Variants in CCBE1 observed in about 807,000 individuals in gnomAD.
CCBE1 encodes the protein collagen and calcium-binding EGF domain-containing protein 1.
A neutral mutation model predicts 50.0 loss-of-function variants in CCBE1; 37 were observed. The ratio of observed to expected loss-of-function variants is 0.74; its 90% CI spans 0.57 to 0.97. CCBE1 has a LOEUF of 0.97. Ranked by LOEUF, CCBE1 falls within the 50% of genes least tolerant of loss-of-function variation. The pLI is 0.00. For missense variants in CCBE1, 538 were observed against 523.8 expected (o/e 1.03, Z -0.26); for synonymous variants, 234 against 203.7 (o/e 1.15, Z -1.27).
intron 2 of CCBE1, among the ~76,000 whole-genome samples, chr18:59,504,249 A>G (rs1283053201): frequency 3.9e-5 from 6 of 152,192 alleles, no homozygotes. Flanking sequence ...TCCCCAAGAA[A>G]ATAGATTTTT....
chr18:59,520,714 C>A (rs1022973546), intron 2 of CCBE1, among the ~76,000 whole-genome samples: 16 of 152,250 alleles, frequency 1.1e-4, no homozygotes, highest in Admixed American at 1.3e-4. Flanking sequence ...GACAGTATAT[C>A]ATCCATCTGA....
intron 2 of CCBE1, among the ~76,000 whole-genome samples, chr18:59,592,853 C>A (rs2144540033): frequency 6.6e-6 from 1 of 151,696 alleles, no homozygotes; most frequent in South Asian, 2.1e-4. Context: ...ATTGTAGGAA[C>A]CAATACAGGT....
chr18:59,440,896 C>G (rs534402835), intron 7 of CCBE1, among the ~76,000 whole-genome samples: 1 of 152,286 alleles, frequency 6.6e-6, no homozygotes, highest in Admixed American at 6.5e-5. Context: ...CTCTGTGGCA[C>G]AGGTGTGTGT....
At chr18:59,467,298 G>A (rs756684559) in intron 4 of CCBE1, among the ~76,000 whole-genome samples, 3 of 152,182 alleles carry the variant, frequency 2.0e-5, no homozygotes, top group Non-Finnish European at 4.4e-5. Context: ...GATTTTTTGT[G>A]AGTGCCCTAC....
At chr18:59,575,979 A>ATTGATTG (rs2052989392) in intron 2 of CCBE1, among the ~76,000 whole-genome samples, 2 of 152,206 alleles carry the variant, frequency 1.3e-5, no homozygotes, top group Non-Finnish European at 2.9e-5. Flanking sequence ...CCAGGCAAAC[A>ATTGATTG]TTGATTGCTT....
intron 2 of CCBE1, among the ~76,000 whole-genome samples, chr18:59,493,330 A>T (rs1190899359): frequency 1.3e-5 from 2 of 152,238 alleles, no homozygotes; most frequent in Non-Finnish European, 2.9e-5. Flanking sequence ...AAATTCATGT[A>T]ACACCGAAAG....
In CCBE1 at chr18:59,432,634, G is replaced by A. The variant is rs994972307; in HGVS notation, c.*3274C>T. 6.6e-6 allele frequency: 1 copy of A among 152,102 alleles called. No homozygotes were observed. The highest frequency in any genetic ancestry group is 2.4e-5 in the African/African-American group (1 of 41,410). 9.4% of individuals were successfully genotyped at this position (152,102 alleles called of 1,614,324 possible). ...GTAGTCCAAGTTTTGAAAATCTGAG[G>A]ATTAAAAATTATTTTCTAAATTAAC... On this transcript the variant is annotated 3_prime_UTR_variant, in exon 11 of 11. Coordinates refer to ENST00000439986, the MANE Select transcript of CCBE1 (RefSeq NM_133459.4).
At position 59,666,456 on chromosome 18, in the gene CCBE1, T is replaced by A. The variant is rs1002507035; in HGVS notation, c.212+30173A>T. On this transcript the variant is annotated intron_variant, in intron 2 of 10. Transcript: ENST00000439986. ...TGTGAAAACCAGGAGCAAATGACAT[T>A]CTACATAAGGATACAGGCTGGCAGC... Among the ~76,000 whole-genome samples the A allele has an allele frequency of 2.6e-5, 4 of 152,184 alleles. No homozygotes were observed. In the East Asian group the frequency reaches 5.8e-4, roughly 22 times the overall value.
chr18:59,462,198 C>A (rs1217237507), intron 5 of CCBE1, among the ~76,000 whole-genome samples: 2 of 152,102 alleles, frequency 1.3e-5, no homozygotes, highest in Non-Finnish European at 2.9e-5. Context: ...TCATCAGATG[C>A]CATGCAGTCT....
intron 2 of CCBE1, among the ~76,000 whole-genome samples, chr18:59,647,930 C>T (rs1246378469): frequency 6.6e-6 from 1 of 152,044 alleles, no homozygotes; most frequent in African/African-American, 2.4e-5. Context: ...GATTATTCCC[C>T]GAAACTACAA....
intron 2 of CCBE1, among the ~76,000 whole-genome samples, chr18:59,569,269 G>A (rs541380619): frequency 1.4e-3 from 207 of 152,268 alleles, no homozygotes; most frequent in African/African-American, 4.8e-3. Flanking sequence ...GCCAGAAACC[G>A]AAGACTCCTT....
At chr18:59,455,012 G>T in intron 5 of CCBE1, 61 bp from the exon 6 acceptor site, 2 of 1,347,452 alleles carry the variant, frequency 1.5e-6, no homozygotes, top group Non-Finnish European at 2.1e-6. Flanking sequence ...GACCCAGAGA[G>T]ACAGCATCGG....
chr18:59,504,566 GA>G (rs1449222552), intron 2 of CCBE1, among the ~76,000 whole-genome samples: 1 of 152,084 alleles, frequency 6.6e-6, no homozygotes, highest in Non-Finnish European at 1.5e-5. Flanking sequence ...AAAGGACATG[GA>G]AAAGGCTGAG....
intron 2 of CCBE1, among the ~76,000 whole-genome samples, chr18:59,646,427 G>A (rs532920109): frequency 2.6e-5 from 4 of 152,154 alleles, no homozygotes; most frequent in Non-Finnish European, 5.9e-5. Flanking sequence ...CTTCTAAGAG[G>A]GGAAATCTAC....
chr18:59,508,801 C>T (rs9952310), intron 2 of CCBE1, among the ~76,000 whole-genome samples: 39,447 of 147,610 alleles, frequency 0.27, 5,484 homozygotes, highest in Middle Eastern at 0.32. Flanking sequence ...ACTGCAGCCT[C>T]GACCTCCTGG....
intron 2 of CCBE1, among the ~76,000 whole-genome samples, chr18:59,597,167 G>A (rs2144550855): frequency 6.6e-6 from 1 of 152,320 alleles, no homozygotes; most frequent in Non-Finnish European, 1.5e-5. Flanking sequence ...CTTCCTAGCT[G>A]AATGAACAGA....
chr18:59,502,960 A>C (rs181680970), intron 2 of CCBE1, among the ~76,000 whole-genome samples: 2 of 152,376 alleles, frequency 1.3e-5, no homozygotes, highest in East Asian at 3.9e-4. Flanking sequence ...AGTGACCAAC[A>C]AACGGCAATC....
rs147972045 is a variant in CCBE1, at chr18:59,511,280, G to A, written c.213-31042C>T. Among the ~76,000 whole-genome samples the A allele has an allele frequency of 5.9e-3, 894 of 152,310 alleles. 11 individuals are homozygous for A. Among genetic ancestry groups the A allele is most frequent in the Middle Eastern group, 0.031 (9 of 292 alleles). ...GACAGAGAAGTTCAAGACGAGCAGT[G>A]GAGCACTGATGATGGCACTAATTGA... is the stretch of plus-strand genomic sequence containing the variant. On this transcript the variant is annotated intron_variant, in intron 2 of 10. Coordinates refer to ENST00000439986, the MANE Select transcript of CCBE1 (RefSeq NM_133459.4).
intron 5 of CCBE1, 105 bp from the exon 6 acceptor site, chr18:59,455,056 C>A (rs759125640): frequency 1.2e-5 from 10 of 864,158 alleles, no homozygotes; most frequent in Non-Finnish European, 1.9e-5. Context: ...TAGCTGACAG[C>A]GGGACATGCG....
Sources: allele counts gnomAD v4.1 joint callset (sites outside exome capture counted in the v4.1 genomes callset), GRCh38; gene constraint gnomAD v4.1.1; transcripts MANE v1.5; gene names NCBI Gene and HGNC (gene_info 2026-07-23, HGNC 2026-07-21).